The following CLSTN2 variants were observed in gnomAD, a reference collection of about 807,000 sequenced individuals.
CLSTN2 encodes the protein calsyntenin-2.
A neutral mutation model predicts 101.2 loss-of-function variants in CLSTN2; 48 were observed. The ratio of observed to expected loss-of-function variants is 0.47; its 90% CI spans 0.38 to 0.60. The LOEUF (loss-of-function observed/expected upper bound fraction) is 0.60. Among genes scored for constraint, CLSTN2 ranks in the 20% least tolerant of loss-of-function variants. The probability of loss-of-function intolerance (pLI) is 0.00; values close to 1 mark genes in which losing one functional copy is unlikely to be tolerated. For synonymous variants in CLSTN2, 481 were observed against 463.6 expected (o/e 1.04, Z -0.48); for missense variants, 1,160 against 1,238.2 (o/e 0.94, Z 0.95).
At chr3:140,144,546 G>A (rs1021632152) in intron 1 of CLSTN2, among the ~76,000 whole-genome samples, 1 of 152,102 alleles carries the variant, frequency 6.6e-6, no homozygotes, top group Non-Finnish European at 1.5e-5. Context: ...AACCCAGGAG[G>A]CGTAGGTTGC....
At chr3:140,482,449 C>T (rs966817455) in intron 8 of CLSTN2, among the ~76,000 whole-genome samples, 2 of 152,176 alleles carry the variant, frequency 1.3e-5, no homozygotes, top group African/African-American at 4.8e-5. Context: ...CAGGATGATG[C>T]TGGCCTCATA....
chr3:140,325,234 A>C (rs2087320887), intron 2 of CLSTN2, among the ~76,000 whole-genome samples: 1 of 152,182 alleles, frequency 6.6e-6, no homozygotes, highest in Non-Finnish European at 1.5e-5. Flanking sequence ...CAAATCAAGA[A>C]GTTTGATGAG....
At chr3:140,168,571 T>C (rs780625280) in intron 1 of CLSTN2, among the ~76,000 whole-genome samples, 4 of 152,086 alleles carry the variant, frequency 2.6e-5, no homozygotes, top group Non-Finnish European at 5.9e-5. Context: ...CCTTCTAATC[T>C]AACCCAAGGA....
chr3:139,940,586 T>C (rs1006950448), intron 1 of CLSTN2, among the ~76,000 whole-genome samples: 2 of 152,198 alleles, frequency 1.3e-5, no homozygotes, highest in African/African-American at 2.4e-5. Flanking sequence ...TTCATATCTT[T>C]TCTCAGCTCA....
intron 2 of CLSTN2, among the ~76,000 whole-genome samples, chr3:140,360,035 T>TAC (rs2087711409): frequency 6.6e-6 from 1 of 151,788 alleles, no homozygotes; most frequent in Non-Finnish European, 1.5e-5. Flanking sequence ...CACATATATA[T>TAC]ATATAGTTTC....
intron 9 of CLSTN2, among the ~76,000 whole-genome samples, chr3:140,543,678 A>G (rs1434649688): frequency 6.6e-6 from 1 of 152,224 alleles, no homozygotes; most frequent in African/African-American, 2.4e-5. Context: ...TCTGCTGGCA[A>G]GATAGCTGCA....
chr3:140,122,233 C>G (rs1392326573), intron 1 of CLSTN2, among the ~76,000 whole-genome samples: 1 of 152,186 alleles, frequency 6.6e-6, no homozygotes. Context: ...CCAGAAGACA[C>G]CTATCCCCAC....
chr3:140,140,814 A>G (rs926809144), intron 1 of CLSTN2, among the ~76,000 whole-genome samples: 4 of 152,200 alleles, frequency 2.6e-5, no homozygotes, highest in African/African-American at 4.8e-5. Context: ...TCCCCTTTCT[A>G]TATAGCACTC....
intron 1 of CLSTN2, among the ~76,000 whole-genome samples, chr3:139,996,492 C>G (rs976309220): frequency 4.0e-5 from 6 of 151,236 alleles, no homozygotes; most frequent in Admixed American, 3.3e-4. Flanking sequence ...CGGGTTCATG[C>G]CATTCTGCCT....
intron 9 of CLSTN2, among the ~76,000 whole-genome samples, chr3:140,533,638 G>A (rs1417079945): frequency 1.3e-5 from 2 of 150,916 alleles, no homozygotes; most frequent in Admixed American, 1.3e-4. Context: ...ATGAACCCGG[G>A]AGGTGGAGCT....
In CLSTN2 at chr3:140,573,433, C is replaced by A. The variant is rs531472220; in HGVS notation, c.*7180C>A. The A allele has an allele frequency of 6.6e-6, 1 of 152,200 alleles. No homozygotes were observed. Among genetic ancestry groups the A allele is most frequent in the African/African-American group, 2.4e-5 (1 of 41,440 alleles). 9.4% of individuals were successfully genotyped at this position (152,200 alleles called of 1,614,324 possible). On this transcript the variant is annotated 3_prime_UTR_variant, in exon 17 of 17. Coordinates refer to ENST00000458420, the MANE Select transcript of CLSTN2 (RefSeq NM_022131.3). Reference sequence around the variant, plus strand: ...AGCCTCATTTACAATTAGAATCTGTCTGGGCCTTCTGATTTCTAAAGTCTG... The same window carrying A: ...AGCCTCATTTACAATTAGAATCTGTATGGGCCTTCTGATTTCTAAAGTCTG...
intron 8 of CLSTN2, among the ~76,000 whole-genome samples, chr3:140,494,857 C>A (rs1934430365): frequency 6.6e-6 from 1 of 152,174 alleles, no homozygotes; most frequent in Non-Finnish European, 1.5e-5. Flanking sequence ...TTTATCCAGT[C>A]TATCATTGAT....
Position 140,035,461 on chromosome 3 carries a change from A to G in CLSTN2, c.109+99978A>G, listed in dbSNP as rs529241356. ...TCTCCATAGCAGCCAATGTGAGCAC[A>G]AAAGGCAAAAGAGCATCAGGGACTG... On this transcript the variant is annotated intron_variant, in intron 1 of 16. Coordinates refer to ENST00000458420, the MANE Select transcript of CLSTN2 (RefSeq NM_022131.3). 4.6e-5 allele frequency among the ~76,000 whole-genome samples: 7 copies of G among 152,364 alleles called. No individual in the cohort carries two copies. In the South Asian group the frequency reaches 1.4e-3, roughly 32 times the overall value.
At chr3:140,468,214 CT>C (rs1331618697) in intron 8 of CLSTN2, among the ~76,000 whole-genome samples, 2 of 152,132 alleles carry the variant, frequency 1.3e-5, no homozygotes, top group Non-Finnish European at 2.9e-5. Context: ...TGCCATATGG[CT>C]TTTATGGGAT....
chr3:140,181,564 T>C (rs372498130), intron 2 of CLSTN2, among the ~76,000 whole-genome samples: 120 of 152,202 alleles, frequency 7.9e-4, no homozygotes, highest in African/African-American at 2.8e-3. Flanking sequence ...TAAGGGAAAA[T>C]AGCTTGAAAA....
At chr3:140,522,523 T>C (rs1356812796) in intron 8 of CLSTN2, among the ~76,000 whole-genome samples, 1 of 152,224 alleles carries the variant, frequency 6.6e-6, no homozygotes, top group African/African-American at 2.4e-5. Context: ...CTGTCCATTG[T>C]CATCTAAACT....
rs11714465 is a variant in CLSTN2 at position 140,562,881 on chromosome 3, C to T, written c.2283C>T (p.Ser761=). The T allele has an allele frequency of 0.64, 1,038,464 of 1,613,892 alleles. 355,407 individuals carry two copies. Among genetic ancestry groups the T allele is most frequent in the Middle Eastern group, 0.74 (4,446 of 6,048 alleles). ...GCTACCGCAACTGGCGTCCGGCTTCCCTTGAGGCCCGGCGTTTCCGGATTA... is the reference window on the plus strand; with the variant it reads ...GCTACCGCAACTGGCGTCCGGCTTCTCTTGAGGCCCGGCGTTTCCGGATTA... ...HIRYRNWRPA[S]LEARRFRIKC... The change falls in exon 14 of 17, where the codon TCC becomes TCT. Residue 761 remains serine (S), a synonymous_variant. Coordinates refer to ENST00000458420, the MANE Select transcript of CLSTN2 (RefSeq NM_022131.3).
At chr3:140,338,565 C>A (rs189540814) in intron 2 of CLSTN2, among the ~76,000 whole-genome samples, 21 of 137,474 alleles carry the variant, frequency 1.5e-4, no homozygotes, top group East Asian at 3.9e-4. Context: ...AATGTCCAGT[C>A]CCCCCCCGGC....
intron 2 of CLSTN2, among the ~76,000 whole-genome samples, chr3:140,262,464 A>T (rs2086661415): frequency 6.9e-6 from 1 of 144,270 alleles, no homozygotes; most frequent in Non-Finnish European, 1.5e-5. Context: ...TTCGAAATGA[A>T]ATTATTTTTT....
Sources: allele counts gnomAD v4.1 joint callset (sites outside exome capture counted in the v4.1 genomes callset), GRCh38; gene constraint gnomAD v4.1.1; transcripts MANE v1.5; gene names NCBI Gene and HGNC (gene_info 2026-07-23, HGNC 2026-07-21).